CHDH: variants seen among roughly 807,000 people sequenced by gnomAD.
CHDH encodes the protein choline dehydrogenase.
CHDH carries 43 observed loss-of-function variants against 56.9 expected under a neutral mutation model. The ratio of observed to expected loss-of-function variants is 0.76; its 90% CI spans 0.59 to 0.97. CHDH has a LOEUF of 0.97. Ranked by LOEUF, CHDH falls within the 50% of genes least tolerant of loss-of-function variation. CHDH has a pLI of 0.00. For missense variants in CHDH, 816 were observed against 821.1 expected, an observed-to-expected ratio of 0.99 and a Z score of 0.08; for synonymous variants, 364 against 348.5, an observed-to-expected ratio of 1.04 and a Z score of -0.50.
intron 1 of CHDH, among the ~76,000 whole-genome samples, chr3:53,844,305 G>A (rs1698781889): frequency 6.6e-6 from 1 of 152,100 alleles, no homozygotes; most frequent in Non-Finnish European, 1.5e-5. Context: ...TTCCCCTGGG[G>A]GGAGAAAGAA....
At chr3:53,828,378 A>G (rs1367491734) in intron 2 of CHDH, among the ~76,000 whole-genome samples, 1 of 152,236 alleles carries the variant, frequency 6.6e-6, no homozygotes, top group Non-Finnish European at 1.5e-5. Context: ...GGCACAGTCC[A>G]TGAAAGAAAT....
intron 2 of CHDH, among the ~76,000 whole-genome samples, chr3:53,824,795 A>G (rs2095635999): frequency 6.6e-6 from 1 of 152,232 alleles, no homozygotes; most frequent in Admixed American, 6.5e-5. Context: ...GGTAGAAAAG[A>G]AACAGGATAT....
chr3:53,843,447 C>T (rs535902172), intron 1 of CHDH, among the ~76,000 whole-genome samples: 4 of 152,174 alleles, frequency 2.6e-5, no homozygotes, highest in South Asian at 4.2e-4. Flanking sequence ...CATCTCACCG[C>T]GCTGTGGCTG....
In CHDH at chr3:53,823,590, A is replaced by G. The variant is rs1342871807; in HGVS notation, c.419T>C (p.Val140Ala). Residue 140 changes from valine (V) to alanine (A), a missense_variant, in exon 3 of 9, where the codon GTC (valine) becomes GCC (alanine). Transcript: ENST00000315251. ...CTCGTAGTCCTCGGCGTGCCCACGG[A>G]CGTAGACCATGGCATTGAGGGATGA... is the stretch of plus-strand genomic sequence containing the variant. ...GSSSLNAMVY[V>A]RGHAEDYERW... 1 of 1,543,600 alleles carries G rather than the reference A, an allele frequency of 6.5e-7. No homozygotes were observed. Among genetic ancestry groups the G allele is most frequent in the African/African-American group, 1.4e-5 (1 of 72,928 alleles).
chr3:53,836,119 G>A (rs1698486559), intron 2 of CHDH, among the ~76,000 whole-genome samples: 1 of 152,224 alleles, frequency 6.6e-6, no homozygotes, highest in African/African-American at 2.4e-5. Context: ...GCTGAGGGGA[G>A]TGCAGTGCAG....
chr3:53,818,117 C>G lies in CHDH; in HGVS notation c.1445G>C (p.Arg482Pro). 6.2e-7 allele frequency: 1 copy of G among 1,614,040 alleles called. No individual in the cohort carries two copies. Among genetic ancestry groups the G allele is most frequent in the South Asian group, 1.1e-5 (1 of 91,072 alleles). Residue 482 changes from arginine to proline, a missense_variant, in exon 9 of 9, where the codon CGA (arginine) becomes CCA (proline). Transcript: ENST00000315251. ...IFAQEALAPF[R>P]GKELQPGSHI... The stretch of plus-strand genomic sequence containing the variant: ...GCTTCCTGGCTGGAGCTCTTTCCCT[C>G]GGAACGGAGCCAGGGCTTCCTGTGC...
In CHDH at chr3:53,815,548, G is replaced by A. The variant is rs2095614309; in HGVS notation, c.*2229C>T. The A allele has an allele frequency of 6.6e-6, 1 of 152,188 alleles. No homozygotes were observed. Among genetic ancestry groups the A allele is most frequent in the African/African-American group, 2.4e-5 (1 of 41,428 alleles). The allele number at this position is 152,188 out of a possible 1,614,324, so 9.4% of individuals were successfully genotyped here. On this transcript the variant is annotated 3_prime_UTR_variant, in exon 9 of 9. Coordinates refer to ENST00000315251, the MANE Select transcript of CHDH (RefSeq NM_018397.5). ...AGAACATGGCTAAGTATTTGAGAGT[G>A]AAAGAAGGGCCTGGGTGCAATTGAG...
At chr3:53,824,146 G>C in intron 2 of CHDH, 79 bp from the exon 3 acceptor site, 1 of 802,626 alleles carries the variant, frequency 1.2e-6, no homozygotes, top group Non-Finnish European at 1.8e-6. Flanking sequence ...CCGGGACAGG[G>C]TGCAGCAGGC....
Position 53,823,511 on chromosome 3 carries a change from G to T in CHDH, c.498C>A (p.Tyr166Ter). The part of the protein sequence containing the change: ...RGWDYAHCLP[Y>*]FRKAQGHELG... ...GCTCGTGGCCCTGCGCCTTGCGGAA[G>T]TAGGGCAGGCAGTGCGCGTAGTCCC... Residue 166 changes from tyrosine to a stop codon, truncating the protein, a stop_gained, in exon 3 of 9, where the codon TAC becomes TAA. Coordinates refer to ENST00000315251, the MANE Select transcript of CHDH (RefSeq NM_018397.5). LOFTEE classifies it high-confidence loss of function. 1 of 1,542,292 alleles carries T rather than the reference G, an allele frequency of 6.5e-7. No individual in the cohort carries two copies. The highest frequency in any genetic ancestry group is 8.7e-7 in the Non-Finnish European group (1 of 1,145,542).
At chr3:53,845,319 G>A (rs1234850030) in intron 1 of CHDH, among the ~76,000 whole-genome samples, 2 of 152,206 alleles carry the variant, frequency 1.3e-5, no homozygotes, top group Admixed American at 6.5e-5. Context: ...CACAAGTAGG[G>A]CCTCAGCTAA....
intron 1 of CHDH, chr3:53,844,824 T>C (rs1698802991): frequency 1.3e-5 from 2 of 152,308 alleles, no homozygotes; most frequent in African/African-American, 4.8e-5. Flanking sequence ...CAAAAATGGA[T>C]GACCATTTAA....
At chr3:53,821,879 G>A in intron 4 of CHDH, 103 bp from the exon 5 acceptor site, 1 of 1,451,566 alleles carries the variant, frequency 6.9e-7, no homozygotes, top group Non-Finnish European at 9.3e-7. Flanking sequence ...ACAGCCTTGG[G>A]ATGTAGAATC....
At chr3:53,821,398 G>A (rs1301411862) in intron 5 of CHDH, among the ~76,000 whole-genome samples, 2 of 152,190 alleles carry the variant, frequency 1.3e-5, no homozygotes, top group Non-Finnish European at 2.9e-5. Context: ...ACTCCCTGCT[G>A]CAGGGTGCCC....
At position 53,821,329 on chromosome 3, in the gene CHDH, G is replaced by A. The variant is rs577905960; in HGVS notation, c.985+318C>T. Among the ~76,000 whole-genome samples the A allele has an allele frequency of 1.9e-3, 290 of 152,336 alleles. 1 individual carries two copies. The highest frequency in any genetic ancestry group is 4.6e-3 in the Admixed American group (70 of 15,302). On this transcript the variant is annotated intron_variant, in intron 5 of 8. Transcript: ENST00000315251. ...GAAGGACGAGGCCTGGACCCCTCTC[G>A]CCATAGAGCTGCCCTGGTGACACGC...
intron 1 of CHDH, among the ~76,000 whole-genome samples, chr3:53,843,570 G>C (rs1378611023): frequency 6.6e-6 from 1 of 152,092 alleles, no homozygotes; most frequent in Non-Finnish European, 1.5e-5. Flanking sequence ...GAAGAAAGAG[G>C]AGGAAGTTCA....
chr3:53,834,863 A>C (rs1698447565), intron 2 of CHDH, among the ~76,000 whole-genome samples: 1 of 152,198 alleles, frequency 6.6e-6, no homozygotes, highest in Admixed American at 6.5e-5. Flanking sequence ...CCTAGCTTTC[A>C]CTGGTCACCC....
intron 6 of CHDH, among the ~76,000 whole-genome samples, chr3:53,820,194 C>T (rs919744966): frequency 7.2e-5 from 11 of 152,220 alleles, no homozygotes; most frequent in Admixed American, 6.5e-5. Context: ...CCTGCTCATC[C>T]GTAAGGAGGA....
At chr3:53,837,369 G>T (rs569706320) in intron 2 of CHDH, among the ~76,000 whole-genome samples, 1 of 152,342 alleles carries the variant, frequency 6.6e-6, no homozygotes, top group African/African-American at 2.4e-5. Flanking sequence ...CTGGCTGCTC[G>T]GGCGTAGCCC....
At chr3:53,825,478 C>G (rs1471117983) in intron 2 of CHDH, among the ~76,000 whole-genome samples, 1 of 151,580 alleles carries the variant, frequency 6.6e-6, no homozygotes, top group Non-Finnish European at 1.5e-5. Context: ...TAGAGAAGAA[C>G]AATTTTTAAT....
Sources: allele counts gnomAD v4.1 joint callset (sites outside exome capture counted in the v4.1 genomes callset), GRCh38; gene constraint gnomAD v4.1.1; transcripts MANE v1.5; gene names NCBI Gene and HGNC (gene_info 2026-07-23, HGNC 2026-07-21).